The following SUGCT variants were observed in gnomAD, a reference collection of about 807,000 sequenced individuals.
The protein encoded by SUGCT is succinyl-CoA:glutarate CoA-transferase.
Under a neutral mutation model 55.0 loss-of-function variants are expected in SUGCT, and 41 were observed. That is an observed-to-expected ratio of 0.74 (90% CI 0.58 to 0.97). The LOEUF is 0.97. SUGCT is among the 50% of genes least tolerant of loss of function. The pLI, the probability that SUGCT is intolerant of heterozygous loss-of-function variation, is 0.00. For missense variants in SUGCT, 568 were observed against 547.8 expected (o/e 1.04, Z -0.37); for synonymous variants, 187 against 200.4 (o/e 0.93, Z 0.56).
the SUGCT span, among the ~76,000 whole-genome samples, chr7:40,886,749 C>A: frequency 6.6e-6 from 1 of 152,160 alleles, no homozygotes. Flanking sequence ...TTTGGAGATA[C>A]CCATGTTGGT....
intron 6 of SUGCT, among the ~76,000 whole-genome samples, chr7:40,228,280 G>A (rs1252319577): frequency 6.6e-6 from 1 of 151,880 alleles, no homozygotes; most frequent in Non-Finnish European, 1.5e-5. Context: ...TGTTTAGTTG[G>A]TAATTTGAAT....
intron 12 of SUGCT, among the ~76,000 whole-genome samples, chr7:40,547,734 G>T (rs555872432): frequency 1.3e-5 from 2 of 152,108 alleles, no homozygotes; most frequent in Non-Finnish European, 2.9e-5. Flanking sequence ...TTTTGTGTAT[G>T]TGTAGTTTTA....
At chr7:40,242,384 G>A (rs1050324046) in intron 7 of SUGCT, among the ~76,000 whole-genome samples, 18 of 151,698 alleles carry the variant, frequency 1.2e-4, no homozygotes, top group Non-Finnish European at 2.5e-4. Flanking sequence ...ACCATGTTGA[G>A]TGGTCTTGAA....
intron 9 of SUGCT, among the ~76,000 whole-genome samples, chr7:40,446,819 T>C (rs1788863820): frequency 6.6e-6 from 1 of 152,196 alleles, no homozygotes; most frequent in African/African-American, 2.4e-5. Flanking sequence ...ATAAAATAAC[T>C]TTATGTTATG....
chr7:40,797,429 T>C (rs1027887184), intron 13 of SUGCT, among the ~76,000 whole-genome samples: 3 of 152,184 alleles, frequency 2.0e-5, no homozygotes, highest in Non-Finnish European at 4.4e-5. Flanking sequence ...GTTCCTTCTC[T>C]TGTATTCACT....
At chr7:40,354,268 A>G (rs961663282) in intron 9 of SUGCT, among the ~76,000 whole-genome samples, 3 of 152,158 alleles carry the variant, frequency 2.0e-5, no homozygotes, top group Non-Finnish European at 4.4e-5. Flanking sequence ...TTCAGTGCTG[A>G]TAGTTCAGAT....
At chr7:40,326,230 C>T (rs946604339) in intron 9 of SUGCT, among the ~76,000 whole-genome samples, 1 of 152,014 alleles carries the variant, frequency 6.6e-6, no homozygotes, top group African/African-American at 2.4e-5. Flanking sequence ...GGCAATATAG[C>T]AGGGAAAGTT....
chr7:41,035,245 C>T, the SUGCT span, among the ~76,000 whole-genome samples: 1 of 152,176 alleles, frequency 6.6e-6, no homozygotes, highest in Non-Finnish European at 1.5e-5. Context: ...CAGGTGGTCT[C>T]CAGGAATCCA....
intron 1 of SUGCT, among the ~76,000 whole-genome samples, chr7:40,159,658 C>T (rs544350103): frequency 9.9e-5 from 15 of 152,200 alleles, no homozygotes; most frequent in African/African-American, 1.9e-4. Context: ...TGTGAGCCAC[C>T]GTGCCTGGCC....
At chr7:40,256,753 T>G (rs1269568215) in intron 7 of SUGCT, among the ~76,000 whole-genome samples, 1 of 152,124 alleles carries the variant, frequency 6.6e-6, no homozygotes, top group Non-Finnish European at 1.5e-5. Context: ...ATTTTTTACT[T>G]TTTTGTCTGA....
Position 40,421,984 on chromosome 7 carries a change from C to A in SUGCT, c.817-27303C>A, listed in dbSNP as rs545792177. On this transcript the variant is annotated intron_variant, in intron 9 of 13. Coordinates refer to ENST00000335693, the MANE Select transcript of SUGCT (RefSeq NM_001193313.2). The stretch of plus-strand genomic sequence containing the variant: ...AAGACATTAGTGATGTTTTGGTGAT[C>A]CGGTGTCTAACATTTTCCCTCTAAT... 9.2e-5 allele frequency among the ~76,000 whole-genome samples: 14 copies of A among 152,212 alleles called. No individual in the cohort carries two copies. The East Asian group carries it at 2.7e-3, about 29-fold the overall frequency.
Position 40,549,999 on chromosome 7 carries a change from T to G in SUGCT, c.1089+53613T>G, listed in dbSNP as rs185036376. ...TTATTTCAGGATGATTACTTTGATC[T>G]TGTCACAAAAGATAGATTGCAAGGG... On this transcript the variant is annotated intron_variant, in intron 12 of 13. Transcript: ENST00000335693. 1.1e-4 allele frequency among the ~76,000 whole-genome samples: 17 copies of G among 152,310 alleles called. No homozygotes were observed. The East Asian group carries it at 2.7e-3, about 24-fold the overall frequency.
chr7:40,450,992 G>T lies in SUGCT; in HGVS notation c.888+1634G>T, dbSNP rs555914757. On this transcript the variant is annotated intron_variant, in intron 10 of 13. Coordinates refer to ENST00000335693, the MANE Select transcript of SUGCT (RefSeq NM_001193313.2). ...GAAACATCTGAGGTGGGAAAGAGGG[G>T]AGCCTTTTAAATGGTGACTCTGAGT... Among the ~76,000 whole-genome samples, 9 of 152,258 alleles carry T rather than the reference G, an allele frequency of 5.9e-5. No homozygotes were observed. In the South Asian group the frequency reaches 1.9e-3, roughly 32 times the overall value.
chr7:41,011,239 G>A, the SUGCT span, among the ~76,000 whole-genome samples: 1 of 152,228 alleles, frequency 6.6e-6, no homozygotes, highest in African/African-American at 2.4e-5. Flanking sequence ...GAGGCGGATA[G>A]AAGAACAAGC....
chr7:40,975,657 T>C, the SUGCT span, among the ~76,000 whole-genome samples: 1 of 152,020 alleles, frequency 6.6e-6, no homozygotes, highest in African/African-American at 2.4e-5. Flanking sequence ...ATGGGAAGAG[T>C]ATGCCTTTGC....
At chr7:40,474,656 A>T (rs1225098178) in intron 11 of SUGCT, among the ~76,000 whole-genome samples, 1 of 152,124 alleles carries the variant, frequency 6.6e-6, no homozygotes, top group Non-Finnish European at 1.5e-5. Context: ...GGGATGTGGG[A>T]TGGGGCATCT....
the SUGCT span, among the ~76,000 whole-genome samples, chr7:40,884,573 A>T: frequency 6.6e-6 from 1 of 152,086 alleles, no homozygotes; most frequent in Non-Finnish European, 1.5e-5. Flanking sequence ...ATATTAAGGG[A>T]TGAGAGTTTT....
At chr7:40,893,495 CT>C in the SUGCT span, among the ~76,000 whole-genome samples, 1 of 152,146 alleles carries the variant, frequency 6.6e-6, no homozygotes, top group Non-Finnish European at 1.5e-5. Context: ...AGTATCTTTT[CT>C]GACCACGATT....
intron 9 of SUGCT, among the ~76,000 whole-genome samples, chr7:40,421,710 GA>G (rs1353727664): frequency 6.6e-6 from 1 of 152,140 alleles, no homozygotes; most frequent in Non-Finnish European, 1.5e-5. Context: ...ATGATGCCAT[GA>G]CTGCTTACCA....
Sources: gnomAD v4.1 joint callset for allele counts (sites outside exome capture counted in the v4.1 genomes callset) on GRCh38, gnomAD v4.1.1 for gene constraint, MANE v1.5 for transcripts, NCBI Gene and HGNC (gene_info 2026-07-23, HGNC 2026-07-21) for gene names.